Variants in CLN6 observed in about 807,000 individuals in gnomAD.
CLN6 encodes CLN6 transmembrane ER protein.
Under a neutral mutation model 33.3 loss-of-function variants are expected in CLN6, and 22 were observed. The observed-to-expected ratio is 0.66, with a 90% CI of 0.47 to 0.94. The LOEUF (loss-of-function observed/expected upper bound fraction) is 0.94. Among genes scored for constraint, CLN6 ranks in the 40% least tolerant of loss-of-function variants. The pLI is 0.00. For missense variants in CLN6, 387 were observed against 417.1 expected (o/e 0.93, Z 0.63); for synonymous variants, 201 against 174.6 (o/e 1.15, Z -1.19).
rs547996655 is a variant in CLN6 at position 68,210,707 on chromosome 15, C to T, written c.542+556G>A. ...CTGAGACCACATTTCTGAGGTCTCC[C>T]CCGACTGAGGGACGGGGTAGGTAGG... On this transcript the variant is annotated intron_variant, in intron 5 of 6. Coordinates refer to ENST00000249806, the MANE Select transcript of CLN6 (RefSeq NM_017882.3). The surrounding 1 kb of genome is among the most constrained non-coding windows in gnomAD (Gnocchi z 5.6). 7.2e-5 allele frequency among the ~76,000 whole-genome samples: 11 copies of T among 152,284 alleles called. No homozygotes were observed. The highest frequency in any genetic ancestry group is 8.8e-5 in the Non-Finnish European group (6 of 68,000).
At chr15:68,229,762 A>AGCGAGGCGGG (rs1555440252), upstream of CLN6, 3 of 46,472 alleles carry the variant, frequency 6.5e-5, no homozygotes, top group East Asian at 3.6e-4. Context: ...GGCGGAGCGG[A>AGCGAGGCGGG]GCGGAGCGGA....
chr15:68,211,548 G>A lies in CLN6; in HGVS notation c.486+127C>T. 2 of 1,598,524 alleles carry A rather than the reference G, an allele frequency of 1.3e-6. No individual in the cohort carries two copies. The highest frequency in any genetic ancestry group is 3.3e-5 in the Admixed American group (2 of 59,908). ...ATCCTAGCTTGGGGCAGGCGACAGT[G>A]CCCTCACCTAGCAGAATGCCTTTGG... On this transcript the variant is annotated intron_variant, in intron 4 of 6. Coordinates refer to ENST00000249806, the MANE Select transcript of CLN6 (RefSeq NM_017882.3). This position sits in a 1 kb window ranked among gnomAD's most constrained non-coding sequence, Gnocchi z 5.9.
Position 68,221,883 on chromosome 15 carries a change from G to A in CLN6, c.84-3233C>T, listed in dbSNP as rs545835746. On this transcript the variant is annotated intron_variant, in intron 1 of 6. Coordinates refer to ENST00000249806, the MANE Select transcript of CLN6 (RefSeq NM_017882.3). ...GAGCGCCTCTGCCTGGCTGCCCATC[G>A]TCTGGGATGTGAGGAGCGCCTCTGC... 7.8e-4 allele frequency among the ~76,000 whole-genome samples: 107 copies of A among 137,194 alleles called. 2 individuals are homozygous for A. The South Asian group carries it at 0.015, about 19-fold the overall frequency. 90.0% of individuals were successfully genotyped at this position (137,194 alleles called of 152,430 possible).
chr15:68,214,522 T>A (rs2093215426), intron 2 of CLN6, 134 bp from the exon 3 acceptor site: 3 of 687,402 alleles, frequency 4.4e-6, no homozygotes, highest in Non-Finnish European at 8.1e-6. Context: ...ACTTAATTCT[T>A]CCTGTGATCG....
In CLN6 at chr15:68,256,850, T is replaced by C. The variant is rs1430568816; in HGVS notation, c.19A>G (p.Lys7Glu). ...GGCCTGCCTCTCGCTCGCCGCTCCTTCCCGGCAACGGCTGCCATTTTCCGC... is the reference window on the plus strand; with the variant it reads ...GGCCTGCCTCTCGCTCGCCGCTCCTCCCCGGCAACGGCTGCCATTTTCCGC... Residue 7 changes from lysine (K) to glutamate (E), a missense_variant, in exon 1 of 7, where the codon AAG becomes GAG. Coordinates refer to the CLN6 transcript ENST00000538696. This position sits in a 1 kb window ranked among gnomAD's most constrained non-coding sequence, Gnocchi z 4.1. 1 of 584,720 alleles carries C rather than the reference T, an allele frequency of 1.7e-6. No individual in the cohort carries two copies. The highest frequency in any genetic ancestry group is 3.2e-6 in the Non-Finnish European group (1 of 313,596). 36.2% of individuals were successfully genotyped at this position (584,720 alleles called of 1,614,324 possible).
intron 2 of CLN6, 151 bp downstream of exon 2, chr15:68,218,385 T>C (rs2093226346): frequency 3.1e-6 from 2 of 646,198 alleles, no homozygotes; most frequent in Admixed American, 2.1e-5. Flanking sequence ...GGCCAAGTCA[T>C]AGAGCTAAGG....
intron 1 of CLN6, among the ~76,000 whole-genome samples, chr15:68,252,819 G>C (rs1216806069): frequency 6.6e-6 from 1 of 152,128 alleles, no homozygotes; most frequent in East Asian, 1.9e-4. Flanking sequence ...GCTCAAACAA[G>C]TAAACTAAAC....
chr15:68,237,026 G>A (rs924622552), intron 1 of CLN6, among the ~76,000 whole-genome samples: 80 of 151,188 alleles, frequency 5.3e-4, no homozygotes, highest in African/African-American at 1.9e-3. Context: ...GCGCGGTGGC[G>A]GGCGCCTGTA....
At position 68,210,627 on chromosome 15, in the gene CLN6, G is replaced by C. The variant is rs562370956; in HGVS notation, c.542+636C>G. 6.6e-5 allele frequency among the ~76,000 whole-genome samples: 10 copies of C among 152,328 alleles called. No homozygotes were observed. The highest frequency in any genetic ancestry group is 2.4e-4 in the African/African-American group (10 of 41,584). ...TCTGGCCTCAGTTTCTCCTGGGTAAGATGGGAGGGTGGAACAGATGAAGCC... is the reference window on the plus strand; with the variant it reads ...TCTGGCCTCAGTTTCTCCTGGGTAACATGGGAGGGTGGAACAGATGAAGCC... On this transcript the variant is annotated intron_variant, in intron 5 of 6. Transcript: ENST00000249806. This position sits in a 1 kb window ranked among gnomAD's most constrained non-coding sequence, Gnocchi z 5.6.
At chr15:68,226,840 G>A (rs999880063) in intron 1 of CLN6, among the ~76,000 whole-genome samples, 2 of 99,136 alleles carry the variant, frequency 2.0e-5, no homozygotes, top group African/African-American at 8.3e-5. Flanking sequence ...TCCATAAAAA[G>A]TGCTAGTGTT....
chr15:68,224,066 A>C (rs1316199251), intron 1 of CLN6, among the ~76,000 whole-genome samples: 1 of 151,660 alleles, frequency 6.6e-6, no homozygotes, highest in South Asian at 2.1e-4. Flanking sequence ...AACAACAACA[A>C]CAACAACAAC....
In CLN6 at chr15:68,220,980, T is replaced by G. The variant is rs1475151135; in HGVS notation, c.84-2330A>C. Reference sequence around the variant, plus strand: ...AACTGGGACCACAGGTGCATGCCACTATGCCCAGCTAATTTTATTTTATTA... The same window carrying G: ...AACTGGGACCACAGGTGCATGCCACGATGCCCAGCTAATTTTATTTTATTA... On this transcript the variant is annotated intron_variant, in intron 1 of 6. Coordinates refer to ENST00000249806, the MANE Select transcript of CLN6 (RefSeq NM_017882.3). This position sits in a 1 kb window ranked among gnomAD's most constrained non-coding sequence, Gnocchi z 4.2. Among the ~76,000 whole-genome samples the G allele has an allele frequency of 6.8e-6, 1 of 147,994 alleles. No individual in the cohort carries two copies. The highest frequency in any genetic ancestry group is 1.5e-5 in the Non-Finnish European group (1 of 67,274).
chr15:68,214,764 T>A (rs1287466016), intron 2 of CLN6: 4 of 328,350 alleles, frequency 1.2e-5, no homozygotes, highest in African/African-American at 2.2e-5. Flanking sequence ...GACCCTGGGC[T>A]AATACTTCCC....
At chr15:68,237,142 CG>C (rs1567103661) in intron 1 of CLN6, among the ~76,000 whole-genome samples, 1 of 122,142 alleles carries the variant, frequency 8.2e-6, no homozygotes, top group Non-Finnish European at 1.6e-5. Flanking sequence ...CCGGCCTGGG[CG>C]ACAGAGCGAG....
At position 68,211,926 on chromosome 15, in the gene CLN6, G is replaced by C; in HGVS notation, c.298-63C>G. On this transcript the variant is annotated intron_variant, in intron 3 of 6. Coordinates refer to ENST00000249806, the MANE Select transcript of CLN6 (RefSeq NM_017882.3). The surrounding 1 kb of genome is among the most constrained non-coding windows in gnomAD (Gnocchi z 5.9). ...TCTGTCACAGTATGTGACACCCTCT[G>C]CTTCCCCCCTCACACCTGGGGTGGG... 1 of 1,537,510 alleles carries C rather than the reference G, an allele frequency of 6.5e-7. No homozygotes were observed. Among genetic ancestry groups the C allele is most frequent in the Non-Finnish European group, 8.9e-7 (1 of 1,118,216 alleles).
In CLN6 at chr15:68,241,985, C is replaced by G. The variant is rs1016148342; in HGVS notation, c.179+14705G>C. ...CCAATAAAAAGCAAAACAGGCCACACAGAGAAGACTAGAATAAATAAATAA... is the reference window on the plus strand; with the variant it reads ...CCAATAAAAAGCAAAACAGGCCACAGAGAGAAGACTAGAATAAATAAATAA... On this transcript the variant is annotated intron_variant, in intron 1 of 6. Transcript: ENST00000538696. This position sits in a 1 kb window ranked among gnomAD's most constrained non-coding sequence, Gnocchi z 4.2. Among the ~76,000 whole-genome samples, 2 of 152,100 alleles carry G rather than the reference C, an allele frequency of 1.3e-5. No homozygotes were observed. The highest frequency in any genetic ancestry group is 2.4e-5 in the African/African-American group (1 of 41,408).
chr15:68,219,483 T>A lies in CLN6; in HGVS notation c.84-833A>T, dbSNP rs1197414284. On this transcript the variant is annotated intron_variant, in intron 1 of 6. Coordinates refer to ENST00000249806, the MANE Select transcript of CLN6 (RefSeq NM_017882.3). This position sits in a 1 kb window ranked among gnomAD's most constrained non-coding sequence, Gnocchi z 4.2. ...CAGGAAGTGGAGTACTGCCTCACGA[T>A]ACATCTTTGGAGGCCTGTCCCTCTC... 6.6e-6 allele frequency among the ~76,000 whole-genome samples: 1 copy of A among 152,180 alleles called. No individual in the cohort carries two copies. The highest frequency in any genetic ancestry group is 1.9e-4 in the East Asian group (1 of 5,200).
rs542912469 is a variant in CLN6 at position 68,236,418 on chromosome 15, G to C, written c.180-17768C>G. Among the ~76,000 whole-genome samples, 5 of 152,190 alleles carry C rather than the reference G, an allele frequency of 3.3e-5. No homozygotes were observed. Among genetic ancestry groups the C allele is most frequent in the Non-Finnish European group, 7.4e-5 (5 of 68,026 alleles). On this transcript the variant is annotated intron_variant, in intron 1 of 6. Coordinates refer to the CLN6 transcript ENST00000538696. The surrounding 1 kb of genome is among the most constrained non-coding windows in gnomAD (Gnocchi z 4.5). Reference sequence around the variant, plus strand: ...TACAAATTCAGTGGACTATTATACAGCTATAAGAAGGCACTAAGTACTGAT... The same window carrying C: ...TACAAATTCAGTGGACTATTATACACCTATAAGAAGGCACTAAGTACTGAT...
chr15:68,211,119 A>G lies in CLN6; in HGVS notation c.542+144T>C, dbSNP rs1202037549. ...TCGGGGACAACTTCACTGGAGGTTG[A>G]GCTCACAGTGCCTTTACAGGGGATG... On this transcript the variant is annotated intron_variant, in intron 5 of 6. Coordinates refer to ENST00000249806, the MANE Select transcript of CLN6 (RefSeq NM_017882.3). This position sits in a 1 kb window ranked among gnomAD's most constrained non-coding sequence, Gnocchi z 5.9. 5.1e-6 allele frequency: 4 copies of G among 782,574 alleles called. No individual in the cohort carries two copies. The highest frequency in any genetic ancestry group is 5.1e-5 in the African/African-American group (3 of 59,164). 48.5% of individuals were successfully genotyped at this position (782,574 alleles called of 1,614,324 possible). A position where few individuals can be genotyped will look rare whatever the true frequency, so the allele number is the denominator to read the frequency against.
Sources: allele counts gnomAD v4.1 joint callset (sites outside exome capture counted in the v4.1 genomes callset), GRCh38; gene constraint gnomAD v4.1.1; non-coding constraint Gnocchi (gnomAD v3.1); transcripts MANE v1.5; gene names NCBI Gene and HGNC (gene_info 2026-07-23, HGNC 2026-07-21).